CSNK2A2IP: variants seen among roughly 807,000 people sequenced by gnomAD.
CSNK2A2IP encodes the protein casein kinase 2 subunit alpha' interacting protein, also known as casein kinase II subunit alpha'-interacting protein.
chr3:88,448,965 C>T, the CSNK2A2IP span, among the ~76,000 whole-genome samples: 9 of 152,044 alleles, frequency 5.9e-5, no homozygotes, highest in African/African-American at 1.9e-4. Context: ...TGGTAGGTAG[C>T]GTTTAATCAT....
chr3:88,358,410 C>A, the CSNK2A2IP span, among the ~76,000 whole-genome samples: 23 of 152,068 alleles, frequency 1.5e-4, no homozygotes, highest in Admixed American at 1.5e-3. Flanking sequence ...TGCCTTGTTC[C>A]GGATCTTAAA....
At chr3:88,422,693 C>T in the CSNK2A2IP span, among the ~76,000 whole-genome samples, 1,308 of 152,266 alleles carry the variant, frequency 8.6e-3, 11 homozygotes, top group African/African-American at 0.03. Context: ...TCTTTTCATT[C>T]TCCTAATAGA....
the CSNK2A2IP span, among the ~76,000 whole-genome samples, chr3:88,438,226 A>G: frequency 1.3e-5 from 2 of 152,210 alleles, no homozygotes; most frequent in African/African-American, 2.4e-5. Flanking sequence ...ATAATCATCC[A>G]TGCATTCATA....
chr3:88,453,411 G>A, the CSNK2A2IP span, among the ~76,000 whole-genome samples: 4 of 152,068 alleles, frequency 2.6e-5, no homozygotes, highest in Non-Finnish European at 4.4e-5. Flanking sequence ...CATATTCTGA[G>A]TATTAAGTTA....
chr3:88,412,485 G>A, the CSNK2A2IP span, among the ~76,000 whole-genome samples: 596 of 152,022 alleles, frequency 3.9e-3, 1 homozygote, highest in Non-Finnish European at 5.6e-3. Flanking sequence ...CTTCATTCCT[G>A]TTTTGTAATA....
chr3:88,405,107 A>C, the CSNK2A2IP span, among the ~76,000 whole-genome samples: 1 of 151,720 alleles, frequency 6.6e-6, no homozygotes, highest in African/African-American at 2.4e-5. Flanking sequence ...CATGACCCCC[A>C]CCCAGTTCTT....
At chr3:88,465,579 A>C in the CSNK2A2IP span, 1 of 1,231,628 alleles carries the variant, frequency 8.1e-7, no homozygotes, top group Non-Finnish European at 1.0e-6. Flanking sequence ...CTTCTCCCAA[A>C]TCTCAGGACA....
the CSNK2A2IP span, among the ~76,000 whole-genome samples, chr3:88,341,372 C>T: frequency 6.6e-6 from 1 of 151,444 alleles, no homozygotes; most frequent in Admixed American, 6.6e-5. Flanking sequence ...TAAAATGTCT[C>T]ATTGAGAATT....
the CSNK2A2IP span, among the ~76,000 whole-genome samples, chr3:88,449,874 T>TATATAGAGAGAGAG: frequency 1.4e-5 from 1 of 70,046 alleles, no homozygotes; most frequent in African/African-American, 4.7e-5. Flanking sequence ...TATATATATA[T>TATATAGAGAGAGAG]AGAGAGAGAG....
At chr3:88,360,628 AAT>A in the CSNK2A2IP span, among the ~76,000 whole-genome samples, 1 of 152,182 alleles carries the variant, frequency 6.6e-6, no homozygotes. Flanking sequence ...AGGTACTCTG[AAT>A]GAATAAGAAA....
chr3:88,407,312 A>G, the CSNK2A2IP span, among the ~76,000 whole-genome samples: 1 of 148,114 alleles, frequency 6.8e-6, no homozygotes, highest in African/African-American at 2.5e-5. Context: ...AAAAAAAAAA[A>G]GGAGAGGGAG....
the CSNK2A2IP span, among the ~76,000 whole-genome samples, chr3:88,447,139 C>A: frequency 2.0e-5 from 3 of 152,034 alleles, no homozygotes; most frequent in Non-Finnish European, 4.4e-5. Flanking sequence ...AGTACTTACA[C>A]TCATTAACAA....
chr3:88,465,707 C>T, the CSNK2A2IP span: 1 of 1,231,696 alleles, frequency 8.1e-7, no homozygotes, highest in Non-Finnish European at 1.0e-6. Flanking sequence ...GCTCAAAGAG[C>T]CCTGAACTCT....
At chr3:88,460,850 G>A in the CSNK2A2IP span, among the ~76,000 whole-genome samples, 1 of 152,122 alleles carries the variant, frequency 6.6e-6, no homozygotes, top group Admixed American at 6.5e-5. Context: ...CAGTTTGGGA[G>A]GCCAAGGCGG....
At chr3:88,413,686 A>G in the CSNK2A2IP span, among the ~76,000 whole-genome samples, 1 of 152,084 alleles carries the variant, frequency 6.6e-6, no homozygotes, top group East Asian at 1.9e-4. Flanking sequence ...TTAACAAATC[A>G]TATAGGTTTT....
At chr3:88,440,573 G>A in the CSNK2A2IP span, among the ~76,000 whole-genome samples, 1 of 151,996 alleles carries the variant, frequency 6.6e-6, no homozygotes, top group Non-Finnish European at 1.5e-5. Flanking sequence ...AAACTTTTTG[G>A]AAAAGAAAAA....
chr3:88,380,222 T>G, the CSNK2A2IP span, among the ~76,000 whole-genome samples: 1 of 151,992 alleles, frequency 6.6e-6, no homozygotes, highest in African/African-American at 2.4e-5. Context: ...AAAATAATTT[T>G]TACTTAGAAA....
At chr3:88,393,493 G>A in the CSNK2A2IP span, among the ~76,000 whole-genome samples, 50 of 152,282 alleles carry the variant, frequency 3.3e-4, no homozygotes, top group African/African-American at 1.1e-3. Flanking sequence ...AATATAGACA[G>A]AGTGGATCGA....
chr3:88,458,726 A>C, the CSNK2A2IP span, among the ~76,000 whole-genome samples: 1 of 152,062 alleles, frequency 6.6e-6, no homozygotes, highest in East Asian at 1.9e-4. Flanking sequence ...TCCTATGTTC[A>C]GCTTCAGGAA....
Sources: allele counts gnomAD v4.1 joint callset (sites outside exome capture counted in the v4.1 genomes callset), GRCh38; gene constraint gnomAD v4.1.1; transcripts MANE v1.5; gene names NCBI Gene and HGNC (gene_info 2026-07-23, HGNC 2026-07-21).